The following FA2H variants were observed in gnomAD, a reference collection of about 807,000 sequenced individuals.
FA2H encodes the protein fatty acid 2-hydroxylase.
Under a neutral mutation model 44.9 loss-of-function variants are expected in FA2H, and 22 were observed. The ratio of observed to expected loss-of-function variants is 0.49; its 90% CI spans 0.35 to 0.70. The LOEUF (loss-of-function observed/expected upper bound fraction) is 0.70, where lower values mean the gene tolerates loss of function less well. Ranked by LOEUF, FA2H falls within the 30% of genes least tolerant of loss-of-function variation. The pLI is 0.01. For synonymous variants in FA2H, 243 were observed against 213.2 expected, an observed-to-expected ratio of 1.14 and a Z score of -1.22; for missense variants, 501 against 504.9, an observed-to-expected ratio of 0.99 and a Z score of 0.07.
At chr16:74,758,037 T>C (rs1300673545) in intron 1 of FA2H, among the ~76,000 whole-genome samples, 1 of 151,546 alleles carries the variant, frequency 6.6e-6, no homozygotes, top group Non-Finnish European at 1.5e-5. Context: ...TATATACGCA[T>C]GTATATGGGT....
At chr16:74,720,179 C>CGTTTT in intron 4 of FA2H, among the ~76,000 whole-genome samples, 1 of 91,876 alleles carries the variant, frequency 1.1e-5, no homozygotes, top group South Asian at 3.1e-4. Flanking sequence ...TCATCCTCAT[C>CGTTTT]CTTTTTTTTT....
chr16:74,762,226 G>A (rs751598542), intron 1 of FA2H, among the ~76,000 whole-genome samples: 6 of 152,158 alleles, frequency 3.9e-5, no homozygotes, highest in African/African-American at 7.2e-5. Flanking sequence ...TGGATTTTTA[G>A]TAGAGACGGG....
Position 74,714,136 on chromosome 16 carries a change from G to T in FA2H, c.*54C>A. 8.9e-7 allele frequency: 1 copy of T among 1,125,520 alleles called. No homozygotes were observed. The highest frequency in any genetic ancestry group is 2.0e-5 in the Admixed American group (1 of 50,496). 69.7% of individuals were successfully genotyped at this position (1,125,520 alleles called of 1,614,324 possible). ...TAATGGGGTCTGAATGGCGGGTGGG[G>T]GTCGGGAAGGGGCCAGGGCCGGGCT... is the stretch of plus-strand genomic sequence containing the variant. On this transcript the variant is annotated 3_prime_UTR_variant, in exon 7 of 7. Transcript: ENST00000219368.
chr16:74,730,580 TACC>T (rs1416771954), intron 2 of FA2H, among the ~76,000 whole-genome samples: 2 of 152,164 alleles, frequency 1.3e-5, no homozygotes, highest in East Asian at 3.9e-4. Flanking sequence ...CCACAACCGC[TACC>T]ACCACCATCA....
chr16:74,732,130 C>T (rs539674247), intron 2 of FA2H, among the ~76,000 whole-genome samples: 9 of 152,294 alleles, frequency 5.9e-5, no homozygotes, highest in South Asian at 2.1e-4. Context: ...GTGATCCTCC[C>T]GCCTCAGCCT....
chr16:74,769,080 C>A (rs2144666805), intron 1 of FA2H, among the ~76,000 whole-genome samples: 1 of 152,162 alleles, frequency 6.6e-6, no homozygotes, highest in Non-Finnish European at 1.5e-5. Flanking sequence ...TCAGGAAAAA[C>A]CCCAGTTCCA....
intron 1 of FA2H, among the ~76,000 whole-genome samples, chr16:74,755,160 T>TG: frequency 8.7e-5 from 1 of 11,554 alleles, no homozygotes; most frequent in East Asian, 1.5e-3. Context: ...TACATTTGTG[T>TG]TTTTTTTTTT....
chr16:74,751,763 G>T (rs2144648980), intron 1 of FA2H, among the ~76,000 whole-genome samples: 1 of 152,272 alleles, frequency 6.6e-6, no homozygotes, highest in East Asian at 1.9e-4. Context: ...CTGGGACACA[G>T]CTCTAGACCA....
At chr16:74,719,859 A>G (rs1364574943) in intron 4 of FA2H, among the ~76,000 whole-genome samples, 1 of 151,906 alleles carries the variant, frequency 6.6e-6, no homozygotes, top group Non-Finnish European at 1.5e-5. Context: ...CCTGGCCTCC[A>G]GGGTGTTAAT....
In FA2H at chr16:74,733,602, G is replaced by A. The variant is rs1007408032; in HGVS notation, c.364-6216C>T. Among the ~76,000 whole-genome samples the A allele has an allele frequency of 5.3e-5, 8 of 152,206 alleles. No homozygotes were observed. In the East Asian group the frequency reaches 1.3e-3, roughly 26 times the overall value. ...CACTGAAGGAGAAAGGCTCAGCTGG[G>A]TGCTGAGAGGTTCCAGGCCTCTCAC... On this transcript the variant is annotated intron_variant, in intron 2 of 6. Transcript: ENST00000219368.
chr16:74,734,831 C>T (rs1321758564), intron 2 of FA2H, among the ~76,000 whole-genome samples: 1 of 152,244 alleles, frequency 6.6e-6, no homozygotes, highest in Non-Finnish European at 1.5e-5. Context: ...GGTAGCTGCT[C>T]AGTGTCAGCA....
intron 1 of FA2H, among the ~76,000 whole-genome samples, chr16:74,760,134 A>C (rs1962680130): frequency 6.6e-6 from 1 of 152,108 alleles, no homozygotes; most frequent in Admixed American, 6.6e-5. Flanking sequence ...GTTGCAAATG[A>C]CAGGAGAATT....
chr16:74,754,303 G>C (rs1962577590), intron 1 of FA2H, among the ~76,000 whole-genome samples: 1 of 152,192 alleles, frequency 6.6e-6, no homozygotes, highest in East Asian at 1.9e-4. Flanking sequence ...GGCTGAGGCA[G>C]GAGAACTACT....
At position 74,769,512 on chromosome 16, in the gene FA2H, T is replaced by C. The variant is rs192689132; in HGVS notation, c.270+4974A>G. ...AAAGATAAATATTACATTATGACAG[T>C]TCAAGTGGTACACCAAATTGGTAAA... is the stretch of plus-strand genomic sequence containing the variant. On this transcript the variant is annotated intron_variant, in intron 1 of 6. Transcript: ENST00000219368. Among the ~76,000 whole-genome samples the C allele has an allele frequency of 1.8e-4, 27 of 152,236 alleles. No homozygotes were observed. In the East Asian group the frequency reaches 4.8e-3, roughly 27 times the overall value.
At chr16:74,772,813 T>C (rs892351199) in intron 1 of FA2H, among the ~76,000 whole-genome samples, 2 of 152,158 alleles carry the variant, frequency 1.3e-5, no homozygotes, top group African/African-American at 2.4e-5. Context: ...AAATTACTTT[T>C]CAATAGTAGC....
intron 1 of FA2H, among the ~76,000 whole-genome samples, chr16:74,760,682 C>T (rs1296677199): frequency 6.6e-6 from 1 of 152,240 alleles, no homozygotes. Flanking sequence ...AAGCAAACAG[C>T]TTCCGCCTAA....
At chr16:74,758,068 C>CA (rs1238905982) in intron 1 of FA2H, among the ~76,000 whole-genome samples, 5 of 138,808 alleles carry the variant, frequency 3.6e-5, no homozygotes, top group African/African-American at 1.3e-4. Context: ...TGAGATTACA[C>CA]AAAAAATGAT....
chr16:74,730,679 T>G (rs76101620), intron 2 of FA2H, among the ~76,000 whole-genome samples: 3,948 of 152,242 alleles, frequency 0.026, 171 homozygotes, highest in African/African-American at 0.09. Flanking sequence ...TAGAAGAAGT[T>G]GGGCCAGGGT....
chr16:74,714,258 T>G lies in FA2H; in HGVS notation c.1051A>C (p.Ser351Arg). The G allele has an allele frequency of 1.3e-6, 2 of 1,559,062 alleles. No homozygotes were observed. Among genetic ancestry groups the G allele is most frequent in the Non-Finnish European group, 1.7e-6 (2 of 1,150,340 alleles). ...AAACAGTAATCCCACAATTTAGTGCTGATACCAAATCCTAGAGAGGGAGAC... is the reference window on the plus strand; with the variant it reads ...AAACAGTAATCCCACAATTTAGTGCGGATACCAAATCCTAGAGAGGGAGAC... ...FAHQKSGFGI[S>R]TKLWDYCFHT... The change falls in exon 7 of 7, where the codon AGC becomes CGC. Residue 351 changes from serine to arginine, a missense_variant. Coordinates refer to ENST00000219368, the MANE Select transcript of FA2H (RefSeq NM_024306.5).
Sources: gnomAD v4.1 joint callset for allele counts (sites outside exome capture counted in the v4.1 genomes callset) on GRCh38, gnomAD v4.1.1 for gene constraint, MANE v1.5 for transcripts, NCBI Gene and HGNC (gene_info 2026-07-23, HGNC 2026-07-21) for gene names.